Variants in YEATS4 observed in about 807,000 individuals in gnomAD.
YEATS4 encodes YEATS domain-containing protein 4.
Under a neutral mutation model 30.1 loss-of-function variants are expected in YEATS4, and 17 were observed. The observed-to-expected ratio is 0.56, with a 90% CI of 0.39 to 0.85. The LOEUF (loss-of-function observed/expected upper bound fraction) is 0.85, where lower values mean the gene tolerates loss of function less well. Among genes scored for constraint, YEATS4 ranks in the 40% least tolerant of loss-of-function variants. The probability of loss-of-function intolerance (pLI) is 0.00; values close to 1 mark genes in which losing one functional copy is unlikely to be tolerated. For missense variants in YEATS4, 142 were observed against 268.3 expected (o/e 0.53, Z 3.29); for synonymous variants, 85 against 87.5 (o/e 0.97, Z 0.16).
At chr12:69,385,217 C>T (rs1175257607) in intron 6 of YEATS4, among the ~76,000 whole-genome samples, 1 of 151,592 alleles carries the variant, frequency 6.6e-6, no homozygotes, top group Non-Finnish European at 1.5e-5. Flanking sequence ...TTCTCCACCT[C>T]AGACTCCTAA....
downstream of YEATS4, among the ~76,000 whole-genome samples, chr12:69,395,766 A>G (rs1441153170): frequency 3.9e-5 from 6 of 152,184 alleles, no homozygotes; most frequent in East Asian, 1.9e-4. Flanking sequence ...AAATGATGTA[A>G]GGGACCAGGG....
chr12:69,386,563 A>T (rs986012837), intron 6 of YEATS4, among the ~76,000 whole-genome samples: 1 of 152,098 alleles, frequency 6.6e-6, no homozygotes, highest in African/African-American at 2.4e-5. Flanking sequence ...ACATTAGTGC[A>T]TTTTTTTCTT....
At chr12:69,410,431 C>G in the YEATS4 span, among the ~76,000 whole-genome samples, 10 of 152,164 alleles carry the variant, frequency 6.6e-5, no homozygotes, top group Non-Finnish European at 1.5e-4. Context: ...GAGCCCAAAT[C>G]TACTGCCTTG....
At chr12:69,415,276 G>A in the YEATS4 span, among the ~76,000 whole-genome samples, 1 of 152,154 alleles carries the variant, frequency 6.6e-6, no homozygotes, top group Non-Finnish European at 1.5e-5. Context: ...AACATTTAGT[G>A]TCAAAAAGGT....
chr12:69,402,309 C>A, the YEATS4 span, among the ~76,000 whole-genome samples: 1 of 139,156 alleles, frequency 7.2e-6, no homozygotes, highest in Admixed American at 7.6e-5. Context: ...GTGAAAACCC[C>A]TAGATTTGGC....
chr12:69,403,903 C>A, the YEATS4 span, among the ~76,000 whole-genome samples: 1 of 152,026 alleles, frequency 6.6e-6, no homozygotes, highest in Non-Finnish European at 1.5e-5. Context: ...AAATTCCTTT[C>A]TCTTTCTTCT....
chr12:69,394,231 T>C (rs574282949), downstream of YEATS4, among the ~76,000 whole-genome samples: 24 of 152,162 alleles, frequency 1.6e-4, no homozygotes, highest in Non-Finnish European at 3.2e-4. Context: ...AATGGCATAA[T>C]GGCACAACTG....
the YEATS4 span, among the ~76,000 whole-genome samples, chr12:69,410,800 C>G: frequency 2.0e-5 from 3 of 152,178 alleles, no homozygotes; most frequent in African/African-American, 7.2e-5. Flanking sequence ...GACATTCCAT[C>G]AAGACCACAT....
intron 6 of YEATS4, among the ~76,000 whole-genome samples, chr12:69,380,074 C>G (rs1377259510): frequency 6.6e-6 from 1 of 152,178 alleles, no homozygotes; most frequent in Non-Finnish European, 1.5e-5. Flanking sequence ...TCACATATCT[C>G]TGTTAGAGAT....
chr12:69,414,779 A>G, the YEATS4 span, among the ~76,000 whole-genome samples: 3 of 152,198 alleles, frequency 2.0e-5, no homozygotes, highest in African/African-American at 7.2e-5. Context: ...AAAAGTGCCT[A>G]GACTTTGAAG....
chr12:69,391,107 A>C (rs534885609), downstream of YEATS4, among the ~76,000 whole-genome samples: 10 of 152,294 alleles, frequency 6.6e-5, no homozygotes, highest in East Asian at 1.9e-3. Flanking sequence ...TGGCCTGGCC[A>C]ACATGGTAAA....
intron 6 of YEATS4, among the ~76,000 whole-genome samples, chr12:69,375,038 G>C (rs191609331): frequency 1.3e-5 from 2 of 150,402 alleles, no homozygotes; most frequent in Non-Finnish European, 3.0e-5. Context: ...GCAGCTGGCC[G>C]GGCGGGGGCT....
chr12:69,409,456 A>G, the YEATS4 span, among the ~76,000 whole-genome samples: 4 of 152,006 alleles, frequency 2.6e-5, no homozygotes, highest in Non-Finnish European at 5.9e-5. Flanking sequence ...GCCTCTACCA[A>G]AAATACAAAA....
chr12:69,390,396 G>C lies in YEATS4; in HGVS notation c.*80G>C. On this transcript the variant is annotated 3_prime_UTR_variant, in exon 7 of 7. Transcript: ENST00000247843. ...CTGGAGAAATGGACTTACTGCAAAT[G>C]CTGTGATGTTTCTTAGAGGAACTTC... is the stretch of plus-strand genomic sequence containing the variant. 7.5e-7 allele frequency: 1 copy of C among 1,327,566 alleles called. No individual in the cohort carries two copies. The highest frequency in any genetic ancestry group is 1.0e-6 in the Non-Finnish European group (1 of 991,366). The allele number at this position is 1,327,566 out of a possible 1,614,324, so 82.2% of individuals were successfully genotyped here. A position where few individuals can be genotyped will look rare whatever the true frequency, so the allele number is the denominator to read the frequency against.
intron 6 of YEATS4, among the ~76,000 whole-genome samples, chr12:69,377,498 C>T (rs562956085): frequency 7.4e-4 from 113 of 152,164 alleles, no homozygotes; most frequent in African/African-American, 1.6e-3. Flanking sequence ...TGTCCTCAAG[C>T]GATCCTCCCA....
chr12:69,370,667 A>C, intron 4 of YEATS4, 39 bp from the exon 5 acceptor site: 1 of 1,469,882 alleles, frequency 6.8e-7, no homozygotes, highest in Non-Finnish European at 9.1e-7. Context: ...TGATGATAAA[A>C]ACCATTGCAC....
chr12:69,381,498 G>A (rs753507635), intron 6 of YEATS4, among the ~76,000 whole-genome samples: 64 of 152,128 alleles, frequency 4.2e-4, no homozygotes, highest in Non-Finnish European at 7.2e-4. Context: ...GGGTCCTGAG[G>A]TGACATACAT....
At chr12:69,373,125 T>C (rs1310834790) in intron 6 of YEATS4, among the ~76,000 whole-genome samples, 1 of 152,250 alleles carries the variant, frequency 6.6e-6, no homozygotes, top group Admixed American at 6.5e-5. Flanking sequence ...ATCTTTTTGA[T>C]ATACTGACTT....
the YEATS4 span, among the ~76,000 whole-genome samples, chr12:69,416,619 C>T: frequency 6.6e-6 from 1 of 152,188 alleles, no homozygotes; most frequent in Non-Finnish European, 1.5e-5. Context: ...CTGCAGCCCT[C>T]CCACGCCAGT....
Sources: allele counts gnomAD v4.1 joint callset (sites outside exome capture counted in the v4.1 genomes callset), GRCh38; gene constraint gnomAD v4.1.1; transcripts MANE v1.5; gene names NCBI Gene and HGNC (gene_info 2026-07-23, HGNC 2026-07-21).